Variants in TDRD15 observed in about 807,000 individuals in gnomAD.
The protein encoded by TDRD15 is tudor domain-containing protein 15.
For missense variants in TDRD15, 1,416 were observed against 904.7 expected, an observed-to-expected ratio of 1.57 and a Z score of -7.25; for synonymous variants, 503 against 314.5, an observed-to-expected ratio of 1.60 and a Z score of -6.34.
intron 2 of TDRD15, among the ~76,000 whole-genome samples, chr2:21,128,370 T>G (rs1411799661): frequency 6.6e-6 from 1 of 151,670 alleles, no homozygotes; most frequent in Non-Finnish European, 1.5e-5. Context: ...TCGCCCAGGC[T>G]GGAGTGCAGT....
upstream of TDRD15, chr2:21,123,947 G>T: frequency 6.6e-6 from 1 of 152,546 alleles, no homozygotes; most frequent in Non-Finnish European, 1.5e-5. Context: ...GCGGGATTAC[G>T]AGGGGGTGGG....
intron 3 of TDRD15, among the ~76,000 whole-genome samples, chr2:21,135,977 A>T (rs1448809260): frequency 6.6e-6 from 1 of 151,802 alleles, no homozygotes; most frequent in African/African-American, 2.4e-5. Context: ...AATGAAGGAG[A>T]TCTTCTGGGT....
At chr2:21,145,109 C>T (rs1334390224), downstream of TDRD15, among the ~76,000 whole-genome samples, 1 of 151,850 alleles carries the variant, frequency 6.6e-6, no homozygotes, top group South Asian at 2.1e-4. Flanking sequence ...GGAGAGTGCC[C>T]CACCCATGAA....
At chr2:21,144,400 C>T (rs1308581169), downstream of TDRD15, among the ~76,000 whole-genome samples, 2 of 151,794 alleles carry the variant, frequency 1.3e-5, no homozygotes, top group East Asian at 3.9e-4. Context: ...TCATAACAGG[C>T]TATACTCTTT....
chr2:21,128,946 A>T (rs975446136), intron 2 of TDRD15, among the ~76,000 whole-genome samples: 1 of 148,166 alleles, frequency 6.7e-6, no homozygotes, highest in African/African-American at 2.5e-5. Context: ...ATTGTTATTT[A>T]TTTTTTTTTT....
chr2:21,139,840 T>C lies in TDRD15; in HGVS notation c.2373T>C (p.Asn791=). Residue 791 remains asparagine, a synonymous_variant, in exon 4 of 4, where the codon AAT becomes AAC. Coordinates refer to ENST00000405799, the MANE Select transcript of TDRD15 (RefSeq NM_001306137.2). ...AATTACTAATGGAGCAAATTCAGAATTACTATAGTATTCATTCTGATCCTT... is the reference window on the plus strand; with the variant it reads ...AATTACTAATGGAGCAAATTCAGAACTACTATAGTATTCATTCTGATCCTT... ...DLKLLMEQIQ[N]YYSIHSDPYE... is the part of the protein sequence containing the mutation. 4.2e-6 allele frequency: 3 copies of C among 715,586 alleles called. No homozygotes were observed. Among genetic ancestry groups the C allele is most frequent in the Non-Finnish European group, 7.8e-6 (3 of 383,942 alleles). The allele number at this position is 715,586 out of a possible 1,614,324, so 44.3% of individuals were successfully genotyped here.
In TDRD15 at chr2:21,139,001, AT is replaced by A. The variant is rs1383634005; in HGVS notation, c.1535del (p.Met512ArgfsTer4). 1 of 712,326 alleles carries A rather than the reference AT, an allele frequency of 1.4e-6. No homozygotes were observed. Among genetic ancestry groups the A allele is most frequent in the Non-Finnish European group, 2.6e-6 (1 of 383,276 alleles). 44.1% of individuals were successfully genotyped at this position (712,326 alleles called of 1,614,324 possible). A position where few individuals can be genotyped will look rare whatever the true frequency, so the allele number is the denominator to read the frequency against. ...NDHRNEFQEI[M>X]KNINKFYDLC... ...CCATCGGAATGAATTTCAAGAAATA[AT>A]GAAAAACATAAACAAATTTTATGAT... On this transcript the variant is annotated frameshift_variant, in exon 4 of 4. Coordinates refer to ENST00000405799, the MANE Select transcript of TDRD15 (RefSeq NM_001306137.2). LOFTEE classifies it low-confidence loss of function (END_TRUNC).
intron 3 of TDRD15, 91 bp downstream of exon 3, chr2:21,134,938 TTAAAG>T (rs1312478293): frequency 1.3e-5 from 2 of 150,240 alleles, no homozygotes; most frequent in Admixed American, 6.7e-5. Context: ...AATTATGTCT[TTAAAG>T]TAATACATTT....
In TDRD15 at chr2:21,139,925, GT is replaced by G; in HGVS notation, c.2462del (p.Leu821Ter). ...TTCTGGGAAGTGGTGTAGAGCTGCT[GT>G]TTTGACTCAAGTATCAAAAGAAGTT... ...KYSGKWCRAA[V>X]LTQVSKEVDI... On this transcript the variant is annotated frameshift_variant, in exon 4 of 4. Transcript: ENST00000405799. LOFTEE classifies it low-confidence loss of function (END_TRUNC). 3 of 715,478 alleles carry G rather than the reference GT, an allele frequency of 4.2e-6. No individual in the cohort carries two copies. The highest frequency in any genetic ancestry group is 2.6e-6 in the Non-Finnish European group (1 of 383,886). 44.3% of individuals were successfully genotyped at this position (715,478 alleles called of 1,614,324 possible).
In TDRD15 at chr2:21,142,101, A is replaced by C; in HGVS notation, c.4634A>C (p.Lys1545Thr). ...NVSKSGRFYV[K>T]LSKNKKILSD... is the part of the protein sequence containing the mutation. ...TCAAAAAGTGGAAGATTTTATGTGA[A>C]GTTATCCAAAAATAAAAAAATTTTA... The change falls in exon 4 of 4, where the codon AAG becomes ACG. Residue 1545 changes from lysine to threonine, a missense_variant. Physicochemically the swap from Lys to Thr is moderately conservative, Grantham distance 78. Coordinates refer to ENST00000405799, the MANE Select transcript of TDRD15 (RefSeq NM_001306137.2). The C allele has an allele frequency of 1.5e-6, 1 of 684,516 alleles. No individual in the cohort carries two copies. Among genetic ancestry groups the C allele is most frequent in the Non-Finnish European group, 2.7e-6 (1 of 376,278 alleles). 42.4% of individuals were successfully genotyped at this position (684,516 alleles called of 1,614,324 possible). A position where few individuals can be genotyped will look rare whatever the true frequency, so the allele number is the denominator to read the frequency against.
At chr2:21,133,069 A>C (rs188546573) in intron 2 of TDRD15, among the ~76,000 whole-genome samples, 1 of 152,160 alleles carries the variant, frequency 6.6e-6, no homozygotes, top group African/African-American at 2.4e-5. Flanking sequence ...TGTGAACTTC[A>C]GTAAAGAATG....
In TDRD15 at chr2:21,138,378, A is replaced by G. The variant is rs576946468; in HGVS notation, c.911A>G (p.Gln304Arg). ...TGTGTTGCCAGAAGGCGAAATGGACAGTGGCATAGAGGAATTCTTCAGCAG... is the reference window on the plus strand; with the variant it reads ...TGTGTTGCCAGAAGGCGAAATGGACGGTGGCATAGAGGAATTCTTCAGCAG... ...LLCVARRRNGQWHRGILQQLL... is the reference protein window; with the variant it reads ...LLCVARRRNGRWHRGILQQLL... The change falls in exon 4 of 4, where the codon CAG becomes CGG. Residue 304 changes from glutamine (Q) to arginine (R), a missense_variant. By Grantham distance (43) the Gln-to-Arg change is conservative (BLOSUM62 1). Transcript: ENST00000405799. 30 of 716,542 alleles carry G rather than the reference A, an allele frequency of 4.2e-5. No homozygotes were observed. The African/African-American group carries it at 4.9e-4, about 12-fold the overall frequency. The allele number at this position is 716,542 out of a possible 1,614,324, so 44.4% of individuals were successfully genotyped here. A position where few individuals can be genotyped will look rare whatever the true frequency, so the allele number is the denominator to read the frequency against.
chr2:21,143,867 A>G lies in TDRD15; in HGVS notation c.*595A>G, dbSNP rs1480955570. On this transcript the variant is annotated 3_prime_UTR_variant, in exon 4 of 4. Coordinates refer to ENST00000405799, the MANE Select transcript of TDRD15 (RefSeq NM_001306137.2). ...TTTAAAACGTTGCTTCACTATCTTT[A>G]CATTTTTTGAATGGTGAAGTTTTTA... 1.3e-5 allele frequency among the ~76,000 whole-genome samples: 2 copies of G among 151,722 alleles called. No individual in the cohort carries two copies. The highest frequency in any genetic ancestry group is 3.0e-5 in the Non-Finnish European group (2 of 67,720).
In TDRD15 at chr2:21,124,323, T is replaced by C. The variant is rs1558293376; in HGVS notation, c.-201+277T>C. On this transcript the variant is annotated intron_variant, in intron 1 of 3. Coordinates refer to ENST00000405799, the MANE Select transcript of TDRD15 (RefSeq NM_001306137.2). ...AGCACCCAGCACATGGGGTCAATGA[T>C]GGCTGATCCTAATGCCAGGCTGTGT... Among the ~76,000 whole-genome samples the C allele has an allele frequency of 4.6e-5, 7 of 152,314 alleles. No individual in the cohort carries two copies. In the South Asian group the frequency reaches 1.4e-3, roughly 32 times the overall value.
At chr2:21,129,364 G>T (rs1249487567) in intron 2 of TDRD15, among the ~76,000 whole-genome samples, 1 of 152,148 alleles carries the variant, frequency 6.6e-6, no homozygotes, top group Non-Finnish European at 1.5e-5. Context: ...CTACATTCTT[G>T]CTAACGCTTG....
At position 21,137,502 on chromosome 2, in the gene TDRD15, A is replaced by T; in HGVS notation, c.35A>T (p.Asp12Val). The T allele has an allele frequency of 1.5e-6, 1 of 665,632 alleles. No homozygotes were observed. The highest frequency in any genetic ancestry group is 2.7e-6 in the Non-Finnish European group (1 of 364,774). The allele number at this position is 665,632 out of a possible 1,614,324, so 41.2% of individuals were successfully genotyped here. Reference sequence around the variant, plus strand: ...ACATCTTTCTTACCAACATTTTTAGATGTGGATCTGACAATATCACATATT... The same window carrying T: ...ACATCTTTCTTACCAACATTTTTAGTTGTGGATCTGACAATATCACATATT... ...DSTSFLPTFL[D>V]VDLTISHIKC... Residue 12 changes from aspartate to valine, a missense_variant, in exon 4 of 4, where the codon GAT becomes GTT. By Grantham distance (152) the Asp-to-Val change is radical. Coordinates refer to ENST00000405799, the MANE Select transcript of TDRD15 (RefSeq NM_001306137.2).
intron 2 of TDRD15, among the ~76,000 whole-genome samples, chr2:21,133,222 A>G (rs1213051648): frequency 6.6e-6 from 1 of 152,210 alleles, no homozygotes; most frequent in Non-Finnish European, 1.5e-5. Context: ...GGAAAACCAA[A>G]GCACAGATGC....
chr2:21,125,654 T>C (rs1443038907), intron 1 of TDRD15, among the ~76,000 whole-genome samples: 1 of 152,150 alleles, frequency 6.6e-6, no homozygotes, highest in Non-Finnish European at 1.5e-5. Context: ...CTTTTGAAAT[T>C]AACAAGAAGT....
chr2:21,131,203 T>A (rs1665711931), intron 2 of TDRD15, among the ~76,000 whole-genome samples: 1 of 152,232 alleles, frequency 6.6e-6, no homozygotes, highest in Non-Finnish European at 1.5e-5. Flanking sequence ...CCAAATTTGA[T>A]GACTTTTCTG....
Sources: gnomAD v4.1 joint callset for allele counts (sites outside exome capture counted in the v4.1 genomes callset) on GRCh38, gnomAD v4.1.1 for gene constraint, MANE v1.5 for transcripts, NCBI Gene and HGNC (gene_info 2026-07-23, HGNC 2026-07-21) for gene names.